The following KHDRBS2 variants were observed in gnomAD, a reference collection of about 807,000 sequenced individuals.
KHDRBS2 encodes the protein KH domain-containing, RNA-binding, signal transduction-associated protein 2.
In KHDRBS2, 26 loss-of-function variants were observed where a neutral mutation model predicts 44.3. That is an observed-to-expected ratio of 0.59 (90% CI 0.43 to 0.81). KHDRBS2 has a LOEUF of 0.81. Among genes scored for constraint, KHDRBS2 ranks in the 40% least tolerant of loss-of-function variants. The pLI, the probability that KHDRBS2 is intolerant of heterozygous loss-of-function variation, is 0.00. For missense variants in KHDRBS2, 476 were observed against 433.1 expected (o/e 1.10, Z -0.88); for synonymous variants, 194 against 151.1 (o/e 1.28, Z -2.08).
chr6:61,856,549 C>T (rs1281939008), intron 6 of KHDRBS2, among the ~76,000 whole-genome samples: 16 of 146,844 alleles, frequency 1.1e-4, no homozygotes, highest in Non-Finnish European at 1.8e-4. Context: ...ATTATGATTG[C>T]TTTTTTTTTT....
intron 2 of KHDRBS2, among the ~76,000 whole-genome samples, chr6:62,110,720 G>C (rs991225267): frequency 6.6e-6 from 1 of 152,026 alleles, no homozygotes; most frequent in African/African-American, 2.4e-5. Context: ...GTCAGGTAGA[G>C]GAGGCAAGGA....
chr6:61,821,781 T>C (rs1481553113), intron 6 of KHDRBS2, among the ~76,000 whole-genome samples: 1 of 142,906 alleles, frequency 7.0e-6, no homozygotes, highest in Non-Finnish European at 1.6e-5. Context: ...GGGTGTCACA[T>C]TGTTAAGATT....
intron 2 of KHDRBS2, among the ~76,000 whole-genome samples, chr6:62,089,291 C>G (rs1241773798): frequency 6.7e-6 from 1 of 148,454 alleles, no homozygotes; most frequent in Middle Eastern, 3.2e-3. Flanking sequence ...AAAAAAGACT[C>G]CTGCAGCTAG....
At chr6:61,576,815 A>G in the KHDRBS2 span, among the ~76,000 whole-genome samples, 89,841 of 151,948 alleles carry the variant, frequency 0.59, 26,773 homozygotes, top group Non-Finnish European at 0.61. Flanking sequence ...GTACTTATTT[A>G]GCAACCTCCC....
At chr6:61,931,450 A>T (rs1810031252) in intron 4 of KHDRBS2, among the ~76,000 whole-genome samples, 2 of 152,076 alleles carry the variant, frequency 1.3e-5, no homozygotes, top group African/African-American at 4.8e-5. Context: ...ATACATACAC[A>T]CATATATATG....
chr6:61,858,788 C>G (rs1398961515), intron 6 of KHDRBS2, among the ~76,000 whole-genome samples: 1 of 151,896 alleles, frequency 6.6e-6, no homozygotes, highest in Non-Finnish European at 1.5e-5. Context: ...CTCCAAGATA[C>G]TAACTTTACA....
At chr6:61,714,664 T>C (rs1383022481) in intron 7 of KHDRBS2, among the ~76,000 whole-genome samples, 3 of 151,894 alleles carry the variant, frequency 2.0e-5, no homozygotes, top group Non-Finnish European at 4.4e-5. Flanking sequence ...CAATCAGTGA[T>C]GACTGCATAA....
intron 7 of KHDRBS2, among the ~76,000 whole-genome samples, chr6:61,728,111 A>C (rs1420478714): frequency 2.6e-5 from 4 of 151,302 alleles, no homozygotes; most frequent in Non-Finnish European, 5.9e-5. Context: ...GCAGCCATAA[A>C]AAGGAATGAG....
intron 2 of KHDRBS2, among the ~76,000 whole-genome samples, chr6:62,098,959 T>C (rs1801250885): frequency 6.6e-6 from 1 of 152,194 alleles, no homozygotes; most frequent in African/African-American, 2.4e-5. Flanking sequence ...ATTGTGTTTT[T>C]CACCTACAGG....
chr6:62,202,235 C>G (rs924158864), intron 1 of KHDRBS2, among the ~76,000 whole-genome samples: 1 of 152,024 alleles, frequency 6.6e-6, no homozygotes, highest in Non-Finnish European at 1.5e-5. Context: ...GAAATGAATT[C>G]TTTAGAGACT....
At chr6:62,100,372 T>A (rs964811725) in intron 2 of KHDRBS2, among the ~76,000 whole-genome samples, 1 of 152,222 alleles carries the variant, frequency 6.6e-6, no homozygotes, top group Non-Finnish European at 1.5e-5. Context: ...AACAAAGGAT[T>A]CATAATATTA....
intron 2 of KHDRBS2, among the ~76,000 whole-genome samples, chr6:62,158,694 T>G (rs950352038): frequency 2.0e-5 from 3 of 152,158 alleles, no homozygotes; most frequent in African/African-American, 7.2e-5. Context: ...TGAGAGAACT[T>G]GAGAGTAGGA....
chr6:62,021,909 A>G (rs1323000529), intron 3 of KHDRBS2, among the ~76,000 whole-genome samples: 1 of 131,276 alleles, frequency 7.6e-6, no homozygotes, highest in Non-Finnish European at 1.6e-5. Flanking sequence ...TGCTTTGTGA[A>G]AAAAGGTTTT....
the KHDRBS2 span, among the ~76,000 whole-genome samples, chr6:61,655,099 G>T: frequency 6.6e-6 from 1 of 151,650 alleles, no homozygotes; most frequent in Non-Finnish European, 1.5e-5. Context: ...AGGCAAACAT[G>T]CCCAGAAACA....
intron 4 of KHDRBS2, among the ~76,000 whole-genome samples, chr6:61,972,849 C>A (rs538494060): frequency 3.3e-5 from 5 of 152,146 alleles, no homozygotes; most frequent in African/African-American, 9.7e-5. Flanking sequence ...TATTCACCTG[C>A]ATAAAAGACT....
intron 1 of KHDRBS2, among the ~76,000 whole-genome samples, chr6:62,181,715 T>C (rs1822346713): frequency 6.6e-6 from 1 of 151,918 alleles, no homozygotes; most frequent in African/African-American, 2.4e-5. Context: ...TATGTTCAAA[T>C]CCTGACTCCA....
At chr6:62,194,422 T>C (rs1825222664) in intron 1 of KHDRBS2, among the ~76,000 whole-genome samples, 1 of 151,174 alleles carries the variant, frequency 6.6e-6, no homozygotes, top group Non-Finnish European at 1.5e-5. Context: ...AGCAATTATA[T>C]TGATCTACAT....
chr6:61,572,922 C>T, the KHDRBS2 span, among the ~76,000 whole-genome samples: 1 of 152,058 alleles, frequency 6.6e-6, no homozygotes, highest in African/African-American at 2.4e-5. Context: ...ACAAGGATGC[C>T]CACTTTCACC....
At chr6:61,737,002 T>C (rs982172261) in intron 6 of KHDRBS2, among the ~76,000 whole-genome samples, 4 of 152,120 alleles carry the variant, frequency 2.6e-5, no homozygotes, top group Non-Finnish European at 5.9e-5. Context: ...TCCCATAGAA[T>C]AGTCATTTAA....
Sources: gnomAD v4.1 joint callset for allele counts (sites outside exome capture counted in the v4.1 genomes callset) on GRCh38, gnomAD v4.1.1 for gene constraint, MANE v1.5 for transcripts, NCBI Gene and HGNC (gene_info 2026-07-23, HGNC 2026-07-21) for gene names.